The following TTC28 variants were observed in gnomAD, a reference collection of about 807,000 sequenced individuals.
TTC28 encodes the protein tetratricopeptide repeat protein 28.
TTC28 carries 61 observed loss-of-function variants against 198.0 expected under a neutral mutation model. That is an observed-to-expected ratio of 0.31 (90% CI 0.25 to 0.38). The LOEUF is 0.38. Ranked by LOEUF, TTC28 falls within the 10% of genes least tolerant of loss-of-function variation. The pLI is 1.00. For synonymous variants in TTC28, 1,171 were observed against 1,297.8 expected (o/e 0.90, Z 2.10); for missense variants, 2,678 against 3,164.0 (o/e 0.85, Z 3.69).
intron 6 of TTC28, among the ~76,000 whole-genome samples, chr22:28,147,712 T>C (rs1049401872): frequency 6.6e-6 from 1 of 152,232 alleles, no homozygotes; most frequent in African/African-American, 2.4e-5. Flanking sequence ...TTCTGAATTA[T>C]TAAATTAAAC....
At position 28,125,750 on chromosome 22, in the gene TTC28, T is replaced by A. The variant is rs1942898856; in HGVS notation, c.1442-17347A>T. Among the ~76,000 whole-genome samples the A allele has an allele frequency of 3.9e-5, 6 of 152,346 alleles. No individual in the cohort carries two copies. The South Asian group carries it at 1.0e-3, about 26-fold the overall frequency. On this transcript the variant is annotated intron_variant, in intron 6 of 22. Transcript: ENST00000397906. ...GCCAACTGGCTGAACAGTGATTTTT[T>A]AAAATCATTAATAAAATTTATTCAG...
At chr22:27,987,691 A>G (rs562480893) in intron 21 of TTC28, among the ~76,000 whole-genome samples, 50 of 152,216 alleles carry the variant, frequency 3.3e-4, no homozygotes, top group Admixed American at 1.1e-3. Context: ...CCTGGGTAAT[A>G]GAGTAAGACC....
At chr22:28,660,966 A>C (rs2145695129) in intron 1 of TTC28, among the ~76,000 whole-genome samples, 1 of 152,240 alleles carries the variant, frequency 6.6e-6, no homozygotes, top group East Asian at 1.9e-4. Context: ...GGAAATTAGA[A>C]TCATTCTTTT....
chr22:28,168,869 A>G (rs1201506411), intron 5 of TTC28, among the ~76,000 whole-genome samples: 2 of 152,204 alleles, frequency 1.3e-5, no homozygotes, highest in Non-Finnish European at 2.9e-5. Context: ...AGAAACTACC[A>G]TCAGAGTGAA....
chr22:28,332,517 C>T (rs1162131014), intron 2 of TTC28, among the ~76,000 whole-genome samples: 2 of 151,950 alleles, frequency 1.3e-5, no homozygotes, highest in Non-Finnish European at 2.9e-5. Flanking sequence ...TTATTAATGG[C>T]AAATGTTAAA....
chr22:28,548,114 T>C (rs1242252231), intron 2 of TTC28, among the ~76,000 whole-genome samples: 1 of 152,174 alleles, frequency 6.6e-6, no homozygotes, highest in African/African-American at 2.4e-5. Context: ...TTAATTTTCT[T>C]CCCATATCTA....
chr22:28,250,030 A>G (rs1930407196), intron 5 of TTC28, among the ~76,000 whole-genome samples: 1 of 152,206 alleles, frequency 6.6e-6, no homozygotes, highest in African/African-American at 2.4e-5. Flanking sequence ...AATTCTACAC[A>G]TTAGAGAGGT....
At chr22:28,138,062 A>G (rs1463029562) in intron 6 of TTC28, among the ~76,000 whole-genome samples, 1 of 152,076 alleles carries the variant, frequency 6.6e-6, no homozygotes, top group Non-Finnish European at 1.5e-5. Context: ...TCTGGCCCAC[A>G]TTCAAGGGAA....
At chr22:28,569,839 A>G (rs867925494) in intron 2 of TTC28, among the ~76,000 whole-genome samples, 2 of 152,230 alleles carry the variant, frequency 1.3e-5, no homozygotes, top group African/African-American at 4.8e-5. Context: ...TCTAAGATCT[A>G]TAAGGAACTT....
At position 27,983,699 on chromosome 22, in the gene TTC28, T is replaced by C. The variant is rs535009210; in HGVS notation, c.5968A>G (p.Ile1990Val). 6 of 1,550,592 alleles carry C rather than the reference T, an allele frequency of 3.9e-6. No individual in the cohort carries two copies. Among genetic ancestry groups the C allele is most frequent in the Non-Finnish European group, 5.2e-6 (6 of 1,146,500 alleles). Residue 1990 changes from isoleucine to valine, a missense_variant, in exon 23 of 23, where the codon ATC (isoleucine) becomes GTC (valine). Transcript: ENST00000397906. Reference sequence around the variant, plus strand: ...ATGGAGCTCAGACTGTACACAGAGATGGCATCTGAGGCGATGCTGTCCGCA... The same window carrying C: ...ATGGAGCTCAGACTGTACACAGAGACGGCATCTGAGGCGATGCTGTCCGCA... Reference protein sequence around the residue: ...TGADSIASDAISVYSLSSIAS... With the variant: ...TGADSIASDAVSVYSLSSIAS...
chr22:27,993,734 C>T (rs909839864), intron 17 of TTC28, among the ~76,000 whole-genome samples: 21 of 152,144 alleles, frequency 1.4e-4, no homozygotes, highest in African/African-American at 4.1e-4. Context: ...TCAGAGCCCT[C>T]GAGGGCTGGT....
chr22:28,214,747 A>G (rs1927241109), intron 5 of TTC28, among the ~76,000 whole-genome samples: 1 of 152,266 alleles, frequency 6.6e-6, no homozygotes, highest in Non-Finnish European at 1.5e-5. Context: ...ATCTAGAACT[A>G]GAAATACCAT....
At chr22:28,165,796 T>C (rs1263628377) in intron 5 of TTC28, among the ~76,000 whole-genome samples, 7 of 152,190 alleles carry the variant, frequency 4.6e-5, no homozygotes, top group Non-Finnish European at 8.8e-5. Flanking sequence ...CCAGCTAGCA[T>C]CATAATGACA....
chr22:28,149,335 C>A (rs1403872045), intron 6 of TTC28, among the ~76,000 whole-genome samples: 1 of 152,096 alleles, frequency 6.6e-6, no homozygotes, highest in Non-Finnish European at 1.5e-5. Flanking sequence ...TTCACAATAA[C>A]CAAGATACAG....
rs2050245924 is a variant in TTC28 at position 28,582,438 on chromosome 22, G to A, written c.381+47114C>T. ...CTGGTAACAGTACTGTATAAAAACAGTCTAACAGCTGCAACTGTGTATTAC... is the reference window on the plus strand; with the variant it reads ...CTGGTAACAGTACTGTATAAAAACAATCTAACAGCTGCAACTGTGTATTAC... On this transcript the variant is annotated intron_variant, in intron 2 of 22. Coordinates refer to ENST00000397906, the MANE Select transcript of TTC28 (RefSeq NM_001145418.2). Among the ~76,000 whole-genome samples the A allele has an allele frequency of 2.0e-5, 3 of 152,108 alleles. No individual in the cohort carries two copies. The East Asian group carries it at 5.8e-4, about 29-fold the overall frequency.
chr22:28,093,390 C>T (rs910924137), intron 12 of TTC28, among the ~76,000 whole-genome samples: 7 of 152,170 alleles, frequency 4.6e-5, no homozygotes, highest in Non-Finnish European at 8.8e-5. Context: ...ACAGATCTTC[C>T]GAACCCTTGG....
intron 12 of TTC28, among the ~76,000 whole-genome samples, chr22:28,056,656 TAAC>T (rs1940303328): frequency 6.6e-6 from 1 of 152,158 alleles, no homozygotes; most frequent in African/African-American, 2.4e-5. Flanking sequence ...AAAATATAAA[TAAC>T]TACATAAAAT....
At chr22:28,032,267 AGTG>A (rs1421473558) in intron 12 of TTC28, among the ~76,000 whole-genome samples, 2 of 78,708 alleles carry the variant, frequency 2.5e-5, no homozygotes, top group African/African-American at 1.3e-4. Context: ...ATATATATAT[AGTG>A]TGTGTGTGTG....
intron 2 of TTC28, among the ~76,000 whole-genome samples, chr22:28,598,872 A>G (rs547970833): frequency 1.5e-4 from 23 of 152,340 alleles, no homozygotes; most frequent in African/African-American, 5.5e-4. Context: ...ATTCAAGACT[A>G]TAAGTATAGT....
Sources: allele counts gnomAD v4.1 joint callset (sites outside exome capture counted in the v4.1 genomes callset), GRCh38; gene constraint gnomAD v4.1.1; transcripts MANE v1.5; gene names NCBI Gene and HGNC (gene_info 2026-07-23, HGNC 2026-07-21).